Variants in CNTNAP5 observed in about 807,000 individuals in gnomAD.
CNTNAP5 encodes the protein contactin associated protein family member 5.
CNTNAP5 carries 72 observed loss-of-function variants against 150.2 expected under a neutral mutation model. The observed-to-expected ratio is 0.48, with a 90% CI of 0.40 to 0.58. The LOEUF is 0.58. CNTNAP5 is among the 20% of genes least tolerant of loss of function. The pLI is 0.00. For missense variants in CNTNAP5, 1,636 were observed against 1,626.2 expected, an observed-to-expected ratio of 1.01 and a Z score of -0.10; for synonymous variants, 672 against 619.8, an observed-to-expected ratio of 1.08 and a Z score of -1.25.
At chr2:124,127,723 T>C (rs1683744484) in intron 1 of CNTNAP5, among the ~76,000 whole-genome samples, 1 of 152,056 alleles carries the variant, frequency 6.6e-6, no homozygotes, top group Non-Finnish European at 1.5e-5. Flanking sequence ...TATAGACCAA[T>C]GGAACACAAC....
chr2:124,311,776 C>CTATA (rs1432160045), intron 3 of CNTNAP5, among the ~76,000 whole-genome samples: 1 of 152,134 alleles, frequency 6.6e-6, no homozygotes, highest in Non-Finnish European at 1.5e-5. Context: ...TAATAGCTGT[C>CTATA]TATATGATGA....
intron 3 of CNTNAP5, among the ~76,000 whole-genome samples, chr2:124,355,429 T>C (rs1689972447): frequency 6.6e-6 from 1 of 152,094 alleles, no homozygotes; most frequent in African/African-American, 2.4e-5. Context: ...GGGATGGTGT[T>C]GTGGAATGGA....
At chr2:124,854,122 T>C (rs1484814300) in intron 19 of CNTNAP5, among the ~76,000 whole-genome samples, 1 of 152,200 alleles carries the variant, frequency 6.6e-6, no homozygotes. Context: ...TGAACTTTCA[T>C]GTGGATGTAC....
intron 19 of CNTNAP5, among the ~76,000 whole-genome samples, chr2:124,811,247 A>C (rs2104656884): frequency 6.6e-6 from 1 of 152,300 alleles, no homozygotes; most frequent in African/African-American, 2.4e-5. Context: ...TCAAGAAATA[A>C]CAACATATTT....
Position 124,917,243 on chromosome 2 carries a change from T to A in CNTNAP5, c.*2955T>A, listed in dbSNP as rs1350960466. 6.6e-6 allele frequency among the ~76,000 whole-genome samples: 1 copy of A among 152,078 alleles called. No homozygotes were observed. Among genetic ancestry groups the A allele is most frequent in the Non-Finnish European group, 1.5e-5 (1 of 67,992 alleles). On this transcript the variant is annotated 3_prime_UTR_variant, in exon 24 of 24. Transcript: ENST00000682447. Reference sequence around the variant, plus strand: ...AACTGCTGTTTACAAAAAGATCTTATGGAATATGGATCACTTTACAGTAAA... The same window carrying A: ...AACTGCTGTTTACAAAAAGATCTTAAGGAATATGGATCACTTTACAGTAAA...
At chr2:124,677,507 A>G (rs1044231701) in intron 13 of CNTNAP5, among the ~76,000 whole-genome samples, 1 of 152,204 alleles carries the variant, frequency 6.6e-6, no homozygotes, top group Non-Finnish European at 1.5e-5. Context: ...TCCATTTTAC[A>G]GAGTGCTGAT....
At chr2:124,852,325 A>T (rs192752333) in intron 19 of CNTNAP5, among the ~76,000 whole-genome samples, 9 of 152,234 alleles carry the variant, frequency 5.9e-5, no homozygotes, top group Admixed American at 5.9e-4. Flanking sequence ...GGGACCTAAG[A>T]TGTGAATAAG....
At chr2:124,203,277 C>T (rs1232613161) in intron 1 of CNTNAP5, among the ~76,000 whole-genome samples, 4 of 152,168 alleles carry the variant, frequency 2.6e-5, no homozygotes, top group African/African-American at 9.7e-5. Flanking sequence ...GTGAAAGAGG[C>T]TGATTCCCTT....
intron 22 of CNTNAP5, among the ~76,000 whole-genome samples, chr2:124,909,012 T>C (rs1573705301): frequency 2.0e-5 from 3 of 152,224 alleles, no homozygotes; most frequent in South Asian, 2.1e-4. Flanking sequence ...AAAATAGTTA[T>C]AGTAAGCTAA....
intron 21 of CNTNAP5, 52 bp from the exon 22 acceptor site, chr2:124,902,829 AT>A: frequency 1.5e-6 from 2 of 1,340,602 alleles, no homozygotes; most frequent in Non-Finnish European, 2.1e-6. Flanking sequence ...CCAGCATATA[AT>A]TTGGAAAAAA....
At chr2:124,304,527 C>T (rs562517177) in intron 3 of CNTNAP5, among the ~76,000 whole-genome samples, 2 of 148,230 alleles carry the variant, frequency 1.3e-5, no homozygotes, top group South Asian at 4.2e-4. Flanking sequence ...TAATTAGTTA[C>T]TTAGAGTTCT....
chr2:124,034,344 G>A (rs1360550902), intron 1 of CNTNAP5, among the ~76,000 whole-genome samples: 2 of 152,194 alleles, frequency 1.3e-5, no homozygotes, highest in Non-Finnish European at 2.9e-5. Context: ...TGTAGGGCAA[G>A]GACAGCTACA....
chr2:124,460,189 T>C (rs973327312), intron 6 of CNTNAP5, among the ~76,000 whole-genome samples: 5 of 152,316 alleles, frequency 3.3e-5, no homozygotes, highest in East Asian at 3.9e-4. Flanking sequence ...AAAGCACATA[T>C]AGGCATAGAA....
intron 3 of CNTNAP5, among the ~76,000 whole-genome samples, chr2:124,339,275 G>A (rs1034642859): frequency 6.6e-6 from 1 of 152,120 alleles, no homozygotes; most frequent in East Asian, 1.9e-4. Flanking sequence ...AACGAGTCAA[G>A]GTAGGTCTCT....
Position 124,025,707 on chromosome 2 carries a change from G to A in CNTNAP5, c.57G>A (p.Trp19Ter). 1 of 1,613,870 alleles carries A rather than the reference G, an allele frequency of 6.2e-7. No homozygotes were observed. Among genetic ancestry groups the A allele is most frequent in the Non-Finnish European group, 8.5e-7 (1 of 1,179,842 alleles). ...TGACTTTGCTGTTCTCTGGCTTGTG[G>A]CATTTAGGATTAACAGCGACAAACT... is the stretch of plus-strand genomic sequence containing the variant. ...SVLTLLFSGL[W>*]HLGLTATNYN... The change falls in exon 1 of 24, where the codon TGG becomes TGA. Residue 19 changes from tryptophan to a stop codon, truncating the protein, a stop_gained. Transcript: ENST00000682447. LOFTEE classifies it high-confidence loss of function.
At chr2:124,767,130 G>T (rs1346352146) in intron 16 of CNTNAP5, among the ~76,000 whole-genome samples, 4 of 152,114 alleles carry the variant, frequency 2.6e-5, no homozygotes, top group African/African-American at 9.7e-5. Flanking sequence ...TATAGACCAG[G>T]CACTTGGAAA....
At chr2:124,427,609 A>G (rs1354070283) in intron 4 of CNTNAP5, among the ~76,000 whole-genome samples, 1 of 151,856 alleles carries the variant, frequency 6.6e-6, no homozygotes, top group African/African-American at 2.4e-5. Flanking sequence ...GGTGCCCACA[A>G]GGACGCCCGG....
intron 2 of CNTNAP5, among the ~76,000 whole-genome samples, chr2:124,225,082 G>C (rs1039167494): frequency 6.6e-6 from 1 of 152,094 alleles, no homozygotes; most frequent in Non-Finnish European, 1.5e-5. Flanking sequence ...AGATGTAAAG[G>C]AGCATCTCTC....
chr2:124,036,374 G>T (rs1332401549), intron 1 of CNTNAP5, among the ~76,000 whole-genome samples: 1 of 151,982 alleles, frequency 6.6e-6, no homozygotes, highest in Non-Finnish European at 1.5e-5. Flanking sequence ...TGAGCTGTGG[G>T]TTACAAGAAA....
Sources: gnomAD v4.1 joint callset for allele counts (sites outside exome capture counted in the v4.1 genomes callset) on GRCh38, gnomAD v4.1.1 for gene constraint, MANE v1.5 for transcripts, NCBI Gene and HGNC (gene_info 2026-07-23, HGNC 2026-07-21) for gene names.